The following ME1 variants were observed in gnomAD, a reference collection of about 807,000 sequenced individuals.
ME1 encodes malic enzyme 1.
A neutral mutation model predicts 66.4 loss-of-function variants in ME1; 74 were observed. The ratio of observed to expected loss-of-function variants is 1.11; its 90% confidence interval spans 0.92 to 1.35. The LOEUF (loss-of-function observed/expected upper bound fraction) is 1.35. ME1 is among the 40% of genes most tolerant of loss of function. The pLI is 0.00. For missense variants in ME1, 750 were observed against 694.1 expected (o/e 1.08, Z -0.90); for synonymous variants, 251 against 235.6 (o/e 1.07, Z -0.60).
intron 6 of ME1, among the ~76,000 whole-genome samples, chr6:83,276,586 A>G (rs1189195993): frequency 6.6e-6 from 1 of 152,226 alleles, no homozygotes; most frequent in East Asian, 1.9e-4. Context: ...CTCTTGCTCC[A>G]TACAATGAAA....
intron 7 of ME1, among the ~76,000 whole-genome samples, chr6:83,247,526 T>G (rs1790646653): frequency 1.3e-5 from 2 of 151,674 alleles, no homozygotes; most frequent in Admixed American, 1.3e-4. Context: ...ATAACAAATG[T>G]GTTTAAAAAA....
chr6:83,412,236 C>CA (rs546261123), intron 1 of ME1, among the ~76,000 whole-genome samples: 1,897 of 147,468 alleles, frequency 0.013, 17 homozygotes, highest in South Asian at 0.046. Flanking sequence ...AGCTGAATTG[C>CA]AAAAAAAAAG....
At chr6:83,227,516 T>C (rs1444123965) in intron 10 of ME1, 39 bp from the exon 11 acceptor site, 2 of 1,511,376 alleles carry the variant, frequency 1.3e-6, no homozygotes, top group Non-Finnish European at 1.8e-6. Flanking sequence ...AACACTATCA[T>C]TGGTTAATTC....
intron 6 of ME1, among the ~76,000 whole-genome samples, chr6:83,271,001 AGTT>A (rs1183374568): frequency 6.6e-6 from 1 of 151,510 alleles, no homozygotes; most frequent in African/African-American, 2.4e-5. Context: ...AATGAAGTAA[AGTT>A]GTGGCTAGGT....
intron 5 of ME1, among the ~76,000 whole-genome samples, chr6:83,322,142 C>T (rs562193554): frequency 5.9e-5 from 9 of 152,266 alleles, no homozygotes; most frequent in African/African-American, 1.7e-4. Flanking sequence ...AAAAACCCCA[C>T]GCGAAGGTCA....
In ME1 at chr6:83,357,030, A is replaced by T. The variant is rs6930990; in HGVS notation, c.363-4891T>A. Among the ~76,000 whole-genome samples, 3 of 152,092 alleles carry T rather than the reference A, an allele frequency of 2.0e-5. No homozygotes were observed. The East Asian group carries it at 5.8e-4, about 29-fold the overall frequency. ...TTCCTCAGTCTTTCCTTGACTTTCA[A>T]GACATTGATACTTATGAACAATTTA... On this transcript the variant is annotated intron_variant, in intron 3 of 13. Coordinates refer to ENST00000369705, the MANE Select transcript of ME1 (RefSeq NM_002395.6).
At chr6:83,303,059 C>G (rs1344795310) in intron 6 of ME1, among the ~76,000 whole-genome samples, 1 of 151,982 alleles carries the variant, frequency 6.6e-6, no homozygotes, top group Non-Finnish European at 1.5e-5. Context: ...GAGGAATTGT[C>G]TGGATAGATT....
chr6:83,381,268 C>T (rs928367877), intron 3 of ME1, among the ~76,000 whole-genome samples: 2 of 152,048 alleles, frequency 1.3e-5, no homozygotes, highest in African/African-American at 4.8e-5. Flanking sequence ...ATCTAATTGG[C>T]TCTTCTGGGA....
intron 13 of ME1, among the ~76,000 whole-genome samples, chr6:83,214,192 C>T (rs553594080): frequency 6.6e-6 from 1 of 152,136 alleles, no homozygotes; most frequent in East Asian, 1.9e-4. Flanking sequence ...TATAATAAAA[C>T]ACATTGTTTC....
chr6:83,360,701 G>A (rs1266441791), intron 3 of ME1, among the ~76,000 whole-genome samples: 1 of 152,200 alleles, frequency 6.6e-6, no homozygotes, highest in African/African-American at 2.4e-5. Flanking sequence ...GGACTTGAAA[G>A]ACGCAGGGGT....
At chr6:83,313,029 T>C (rs959601648) in intron 6 of ME1, among the ~76,000 whole-genome samples, 1 of 152,146 alleles carries the variant, frequency 6.6e-6, no homozygotes, top group African/African-American at 2.4e-5. Context: ...AGTGCTGGGA[T>C]TAAAGGTGTG....
intron 12 of ME1, 23 bp from the exon 13 acceptor site, chr6:83,216,619 A>C (rs1217135608): frequency 6.5e-7 from 1 of 1,527,736 alleles, no homozygotes; most frequent in African/African-American, 1.4e-5. Flanking sequence ...AGAAAGAAAA[A>C]AAGTGTTTAT....
In ME1 at chr6:83,320,954, C is replaced by T. The variant is rs527414105; in HGVS notation, c.601-5541G>A. Among the ~76,000 whole-genome samples, 8 of 152,166 alleles carry T rather than the reference C, an allele frequency of 5.3e-5. No homozygotes were observed. In the East Asian group the frequency reaches 5.8e-4, roughly 11 times the overall value. ...TTTCTGCATTTCCAATTGAGGTACC[C>T]GGTTCATCTCATTGGGATGGGTTAG... is the stretch of plus-strand genomic sequence containing the variant. On this transcript the variant is annotated intron_variant, in intron 5 of 13. Coordinates refer to ENST00000369705, the MANE Select transcript of ME1 (RefSeq NM_002395.6).
In ME1 at chr6:83,212,001, C is replaced by T; in HGVS notation, c.1642G>A (p.Asp548Asn). Residue 548 changes from aspartate (D) to asparagine (N), a missense_variant, in exon 14 of 14, where the codon GAT becomes AAT. Coordinates refer to ENST00000369705, the MANE Select transcript of ME1 (RefSeq NM_002395.6). ...AFVRSQMYSTDYDQILPDCYS... is the reference protein window; with the variant it reads ...AFVRSQMYSTNYDQILPDCYS... ...CAATCAGGTAGAATCTGGTCATAAT[C>T]AGTACTATACATCTGGGAGCGGACA... The T allele has an allele frequency of 6.2e-7, 1 of 1,611,850 alleles. No homozygotes were observed. The highest frequency in any genetic ancestry group is 8.5e-7 in the Non-Finnish European group (1 of 1,178,638).
intron 4 of ME1, among the ~76,000 whole-genome samples, chr6:83,349,623 G>GCAGA (rs1324495664): frequency 2.6e-5 from 4 of 152,118 alleles, no homozygotes; most frequent in Non-Finnish European, 5.9e-5. Context: ...CTACCTAAAT[G>GCAGA]CAGAACCTTT....
chr6:83,311,198 C>T (rs561252492), intron 6 of ME1, among the ~76,000 whole-genome samples: 4 of 152,180 alleles, frequency 2.6e-5, no homozygotes, highest in South Asian at 2.1e-4. Context: ...CTGGGACATA[C>T]TAGAGTTGAT....
At chr6:83,218,730 CCTT>C (rs1194135171) in intron 12 of ME1, among the ~76,000 whole-genome samples, 3 of 152,206 alleles carry the variant, frequency 2.0e-5, no homozygotes, top group Admixed American at 2.0e-4. Flanking sequence ...CCATGCCCTT[CCTT>C]CTTTTCTCCA....
At chr6:83,313,515 T>C (rs1767968520) in intron 6 of ME1, among the ~76,000 whole-genome samples, 1 of 152,218 alleles carries the variant, frequency 6.6e-6, no homozygotes, top group Admixed American at 6.5e-5. Context: ...TCTCCCCTTA[T>C]TTCATCAGCG....
At chr6:83,243,834 TAATATAAATTATATA>T (rs1790562148) in intron 7 of ME1, among the ~76,000 whole-genome samples, 1 of 133,428 alleles carries the variant, frequency 7.5e-6, no homozygotes, top group African/African-American at 2.8e-5. Context: ...ATATAATATA[TAATATAAATTATATA>T]TATAATTATA....
Sources: allele counts gnomAD v4.1 joint callset (sites outside exome capture counted in the v4.1 genomes callset), GRCh38; gene constraint gnomAD v4.1.1; transcripts MANE v1.5; gene names NCBI Gene and HGNC (gene_info 2026-07-23, HGNC 2026-07-21).